The following PCCA variants were observed in gnomAD, a reference collection of about 807,000 sequenced individuals.
PCCA encodes the protein propionyl-CoA carboxylase subunit alpha.
Under a neutral mutation model 101.3 loss-of-function variants are expected in PCCA, and 74 were observed. That is an observed-to-expected ratio of 0.73 (90% CI 0.61 to 0.89). PCCA has a LOEUF of 0.89. Among genes scored for constraint, PCCA ranks in the 40% least tolerant of loss-of-function variants. The pLI is 0.00. For missense variants in PCCA, 891 were observed against 907.0 expected, an observed-to-expected ratio of 0.98 and a Z score of 0.23; for synonymous variants, 294 against 313.6, an observed-to-expected ratio of 0.94 and a Z score of 0.66.
intron 18 of PCCA, among the ~76,000 whole-genome samples, chr13:100,355,306 C>T (rs1196176247): frequency 6.6e-6 from 1 of 152,090 alleles, no homozygotes; most frequent in Non-Finnish European, 1.5e-5. Flanking sequence ...GCAACTTCCT[C>T]AGACTGATGA....
At chr13:100,446,492 A>G (rs892028124) in intron 20 of PCCA, among the ~76,000 whole-genome samples, 1 of 152,180 alleles carries the variant, frequency 6.6e-6, no homozygotes, top group Non-Finnish European at 1.5e-5. Flanking sequence ...TATTTTTCCA[A>G]TAATTCTGCT....
At chr13:100,339,361 A>G (rs1348406617) in intron 17 of PCCA, among the ~76,000 whole-genome samples, 1 of 152,200 alleles carries the variant, frequency 6.6e-6, no homozygotes, top group Non-Finnish European at 1.5e-5. Context: ...CAAGTTGCTC[A>G]TACTGTCCCA....
chr13:100,411,834 A>G (rs1425182536), intron 19 of PCCA, among the ~76,000 whole-genome samples: 2 of 152,238 alleles, frequency 1.3e-5, no homozygotes, highest in African/African-American at 2.4e-5. Context: ...CCACCACCTC[A>G]TTACCTCCCA....
intron 17 of PCCA, among the ~76,000 whole-genome samples, chr13:100,337,481 T>C (rs183018323): frequency 3.3e-4 from 50 of 152,324 alleles, no homozygotes; most frequent in African/African-American, 1.1e-3. Context: ...CACTCTGGCC[T>C]GTGATCAGGA....
chr13:100,102,500 T>C (rs2152249072), intron 1 of PCCA, among the ~76,000 whole-genome samples: 1 of 152,348 alleles, frequency 6.6e-6, no homozygotes. Flanking sequence ...TATTATGTTC[T>C]GGCCACTGTT....
chr13:100,336,285 C>G (rs781181684), intron 17 of PCCA, among the ~76,000 whole-genome samples: 23 of 152,080 alleles, frequency 1.5e-4, no homozygotes, highest in Non-Finnish European at 2.8e-4. Flanking sequence ...CAAACAAACA[C>G]ACACCCAAAA....
intron 14 of PCCA, 92 bp downstream of exon 14, chr13:100,303,090 A>G (rs2066189306): frequency 1.1e-5 from 9 of 816,232 alleles, no homozygotes; most frequent in Non-Finnish European, 1.8e-5. Context: ...CAAAGGGTGT[A>G]AATTGAAGGA....
At chr13:100,111,475 T>C (rs963815987) in intron 2 of PCCA, among the ~76,000 whole-genome samples, 1 of 152,122 alleles carries the variant, frequency 6.6e-6, no homozygotes, top group Non-Finnish European at 1.5e-5. Flanking sequence ...CCAAAGTCTT[T>C]TAGTGTCTGA....
At chr13:100,366,992 C>T (rs1199455391) in intron 18 of PCCA, among the ~76,000 whole-genome samples, 1 of 151,894 alleles carries the variant, frequency 6.6e-6, no homozygotes, top group African/African-American at 2.4e-5. Context: ...TACACAGAGA[C>T]TTCTTTTGAA....
chr13:100,520,831 G>A (rs1251746158), intron 22 of PCCA, among the ~76,000 whole-genome samples: 1 of 152,034 alleles, frequency 6.6e-6, no homozygotes, highest in Non-Finnish European at 1.5e-5. Context: ...AATATTATAG[G>A]AGAGTCTTCT....
intron 19 of PCCA, among the ~76,000 whole-genome samples, chr13:100,414,594 T>G (rs1421507408): frequency 4.6e-5 from 7 of 152,244 alleles, no homozygotes; most frequent in South Asian, 2.1e-4. Context: ...ATTGGAAATT[T>G]ATGTGCTTAT....
intron 16 of PCCA, among the ~76,000 whole-genome samples, chr13:100,322,569 A>T (rs2068182711): frequency 6.6e-6 from 1 of 150,848 alleles, no homozygotes; most frequent in Non-Finnish European, 1.5e-5. Flanking sequence ...TCTTTTTTTT[A>T]ATTTTTTTTT....
At chr13:100,370,457 C>T (rs957947337) in intron 19 of PCCA, among the ~76,000 whole-genome samples, 1 of 152,050 alleles carries the variant, frequency 6.6e-6, no homozygotes, top group Non-Finnish European at 1.5e-5. Flanking sequence ...AAATTTTTTT[C>T]TGTAGAATTA....
At chr13:100,117,979 G>T (rs886247016) in intron 4 of PCCA, among the ~76,000 whole-genome samples, 2 of 151,860 alleles carry the variant, frequency 1.3e-5, no homozygotes, top group African/African-American at 4.8e-5. Flanking sequence ...AGCCAGGCGT[G>T]GTGGCAGGCT....
chr13:100,226,596 G>A (rs2060156517), intron 7 of PCCA, among the ~76,000 whole-genome samples: 1 of 152,190 alleles, frequency 6.6e-6, no homozygotes, highest in Non-Finnish European at 1.5e-5. Flanking sequence ...CAGCAATACC[G>A]AGTTCGTAGA....
chr13:100,156,355 A>G (rs1343518823), intron 5 of PCCA, among the ~76,000 whole-genome samples: 1 of 152,216 alleles, frequency 6.6e-6, no homozygotes, highest in Non-Finnish European at 1.5e-5. Flanking sequence ...GGCAGGAGCC[A>G]CTGTGCCCAG....
chr13:100,391,162 C>A (rs1053382275), intron 19 of PCCA, among the ~76,000 whole-genome samples: 3 of 152,054 alleles, frequency 2.0e-5, no homozygotes, highest in African/African-American at 7.2e-5. Context: ...GGACTACAGG[C>A]GCACGCCACC....
chr13:100,479,598 G>A (rs958233422), intron 21 of PCCA: 2 of 152,210 alleles, frequency 1.3e-5, no homozygotes, highest in Admixed American at 1.3e-4. Context: ...AGTGGAAGTG[G>A]ATCATCTTAA....
At chr13:100,512,561 C>T (rs185385760) in intron 21 of PCCA, among the ~76,000 whole-genome samples, 227 of 152,306 alleles carry the variant, frequency 1.5e-3, no homozygotes, top group Admixed American at 2.9e-3. Flanking sequence ...TGACCAGCCC[C>T]GAGCTCACTG....
Sources: allele counts gnomAD v4.1 joint callset (sites outside exome capture counted in the v4.1 genomes callset), GRCh38; gene constraint gnomAD v4.1.1; transcripts MANE v1.5; gene names NCBI Gene and HGNC (gene_info 2026-07-23, HGNC 2026-07-21).